SUCO: variants seen among roughly 807,000 people sequenced by gnomAD.
The protein encoded by SUCO is SUN domain containing ossification factor, also known as SUN domain-containing ossification factor.
A neutral mutation model predicts 148.1 loss-of-function variants in SUCO; 57 were observed. That is an observed-to-expected ratio of 0.38 (90% CI 0.31 to 0.48). SUCO has a LOEUF of 0.48. Ranked by LOEUF, SUCO falls within the 20% of genes least tolerant of loss-of-function variation. The pLI, the probability that SUCO is intolerant of heterozygous loss-of-function variation, is 0.96. For synonymous variants in SUCO, 470 were observed against 502.7 expected, an observed-to-expected ratio of 0.93 and a Z score of 0.87; for missense variants, 1,331 against 1,468.2, an observed-to-expected ratio of 0.91 and a Z score of 1.53.
At chr1:172,590,371 G>T (rs1274689457) in intron 18 of SUCO, 1 of 984,962 alleles carries the variant, frequency 1.0e-6, no homozygotes, top group Non-Finnish European at 1.2e-6. Flanking sequence ...GGGCACATTT[G>T]CAGTTTGCTC....
At position 172,576,690 on chromosome 1, in the gene SUCO, A is replaced by G. The variant is rs564782865; in HGVS notation, c.1264-849A>G. On this transcript the variant is annotated intron_variant, in intron 11 of 23. Coordinates refer to ENST00000263688, the MANE Select transcript of SUCO (RefSeq NM_014283.5). ...TGGAAGGATATTTTATTGGAAACATAAAGAATGCCTTATAAAACTTTCCAC... is the reference window on the plus strand; with the variant it reads ...TGGAAGGATATTTTATTGGAAACATGAAGAATGCCTTATAAAACTTTCCAC... Among the ~76,000 whole-genome samples the G allele has an allele frequency of 1.6e-4, 24 of 151,806 alleles. No homozygotes were observed. The South Asian group carries it at 4.1e-3, about 26-fold the overall frequency.
chr1:172,566,796 C>T (rs1426876304), intron 6 of SUCO, among the ~76,000 whole-genome samples: 1 of 152,172 alleles, frequency 6.6e-6, no homozygotes, highest in Non-Finnish European at 1.5e-5. Context: ...GCTAAACTGA[C>T]AAGGCACGCT....
chr1:172,601,315 C>T (rs930149069), intron 20 of SUCO, among the ~76,000 whole-genome samples: 4 of 151,938 alleles, frequency 2.6e-5, no homozygotes, highest in Non-Finnish European at 4.4e-5. Flanking sequence ...CATGATGAAA[C>T]GCCGTCTCTT....
Position 172,578,331 on chromosome 1 carries a change from A to G in SUCO, c.1374A>G (p.Glu458=), listed in dbSNP as rs1201252979. 18 of 1,612,578 alleles carry G rather than the reference A, an allele frequency of 1.1e-5. No individual in the cohort carries two copies. The highest frequency in any genetic ancestry group is 1.3e-5 in the Non-Finnish European group (15 of 1,178,904). Residue 458 remains glutamate (E), a synonymous_variant, in exon 14 of 24, where the codon GAA becomes GAG. Transcript: ENST00000263688. ...VFGTSMVEEY[E]EIADSQYHSE... Reference sequence around the variant, plus strand: ...GCACTAGCATGGTGGAAGAATATGAAGAAATTGCTGATTCCCAGTATCACT... The same window carrying G: ...GCACTAGCATGGTGGAAGAATATGAGGAAATTGCTGATTCCCAGTATCACT...
chr1:172,572,180 C>T (rs1655065239), intron 9 of SUCO, among the ~76,000 whole-genome samples: 1 of 142,698 alleles, frequency 7.0e-6, no homozygotes, highest in Non-Finnish European at 1.6e-5. Context: ...TACCCAGCCA[C>T]CACCCCGTTT....
At position 172,600,209 on chromosome 1, in the gene SUCO, T is replaced by C. The variant is rs757193334; in HGVS notation, c.3018+41T>C. The C allele has an allele frequency of 2.9e-6, 4 of 1,363,860 alleles. No individual in the cohort carries two copies. In the South Asian group the frequency reaches 3.9e-5, roughly 13 times the overall value. 84.5% of individuals were successfully genotyped at this position (1,363,860 alleles called of 1,614,324 possible). Reference sequence around the variant, plus strand: ...GGTATTGCGAGACCCAATGCATGTATAGAGGTTGTCATAAAGCCAGGCTTG... The same window carrying C: ...GGTATTGCGAGACCCAATGCATGTACAGAGGTTGTCATAAAGCCAGGCTTG... On this transcript the variant is annotated intron_variant, in intron 20 of 23. Transcript: ENST00000263688.
At chr1:172,537,705 C>T (rs1652127031) in intron 1 of SUCO, among the ~76,000 whole-genome samples, 1 of 152,148 alleles carries the variant, frequency 6.6e-6, no homozygotes, top group South Asian at 2.1e-4. Flanking sequence ...TTCCTTCACC[C>T]CAAAGGATCA....
intron 19 of SUCO, among the ~76,000 whole-genome samples, chr1:172,591,387 G>A (rs965460167): frequency 3.8e-4 from 58 of 151,484 alleles, no homozygotes; most frequent in Admixed American, 3.4e-3. Flanking sequence ...CCATTAACTC[G>A]TCATTTATAT....
chr1:172,540,905 T>C (rs1652403179), intron 1 of SUCO, among the ~76,000 whole-genome samples: 2 of 152,142 alleles, frequency 1.3e-5, no homozygotes, highest in South Asian at 4.1e-4. Context: ...ATTTCAGAGA[T>C]TGTGGTAGAT....
intron 4 of SUCO, chr1:172,556,629 TAACTC>T (rs1571204940): frequency 1.0e-6 from 1 of 984,792 alleles, no homozygotes. Flanking sequence ...AACTGGTACA[TAACTC>T]AAGAATGTAA....
chr1:172,601,707 A>C (rs984883160), intron 20 of SUCO, among the ~76,000 whole-genome samples: 1 of 152,154 alleles, frequency 6.6e-6, no homozygotes, highest in Non-Finnish European at 1.5e-5. Context: ...GATGGGAAAG[A>C]CTGGGTAAAA....
rs1294495227 is a variant in SUCO, at chr1:172,575,765, T to C, written c.1263+142T>C. 13 of 496,930 alleles carry C rather than the reference T, an allele frequency of 2.6e-5. No individual in the cohort carries two copies. The East Asian group carries it at 4.0e-4, about 15-fold the overall frequency. The allele number at this position is 496,930 out of a possible 1,614,324, so 30.8% of individuals were successfully genotyped here. On this transcript the variant is annotated intron_variant, in intron 11 of 23. Coordinates refer to ENST00000263688, the MANE Select transcript of SUCO (RefSeq NM_014283.5). ...ACTTAATAGATAATTCTTACTTGGGTATATTATTTCATGAATCAAATATTG... is the reference window on the plus strand; with the variant it reads ...ACTTAATAGATAATTCTTACTTGGGCATATTATTTCATGAATCAAATATTG...
chr1:172,544,495 A>C (rs1041333689), intron 1 of SUCO, among the ~76,000 whole-genome samples: 1 of 152,214 alleles, frequency 6.6e-6, no homozygotes, highest in African/African-American at 2.4e-5. Context: ...CCAACCCCAG[A>C]TTGTGGAAAT....
chr1:172,542,336 C>T (rs914794742), intron 1 of SUCO, among the ~76,000 whole-genome samples: 37 of 152,034 alleles, frequency 2.4e-4, no homozygotes, highest in African/African-American at 7.5e-4. Context: ...GAACCAAGAT[C>T]GTGCCATTGC....
chr1:172,577,715 C>T (rs747746363), intron 12 of SUCO, 49 bp from the exon 13 acceptor site: 1 of 1,587,074 alleles, frequency 6.3e-7, no homozygotes, highest in Admixed American at 1.8e-5. Flanking sequence ...GTTAGATAAT[C>T]TTACATGCTC....
In SUCO at chr1:172,544,307, A is replaced by G. The variant is rs577776461; in HGVS notation, c.63-7205A>G. On this transcript the variant is annotated intron_variant, in intron 1 of 23. Coordinates refer to ENST00000263688, the MANE Select transcript of SUCO (RefSeq NM_014283.5). The stretch of plus-strand genomic sequence containing the variant: ...AGCTCTGAAAAAGCTTTTCTAATTC[A>G]TAGTTCAAAGTAGGAGCTCAATAGA... 13 of 197,120 alleles carry G rather than the reference A, an allele frequency of 6.6e-5. No homozygotes were observed. The South Asian group carries it at 2.1e-3, about 32-fold the overall frequency. The allele number at this position is 197,120 out of a possible 1,614,324, so 12.2% of individuals were successfully genotyped here.
chr1:172,605,592 G>T (rs1254298541), intron 22 of SUCO, among the ~76,000 whole-genome samples: 1 of 151,822 alleles, frequency 6.6e-6, no homozygotes, highest in Non-Finnish European at 1.5e-5. Flanking sequence ...ATCTGGAAGT[G>T]TGAGTTATCT....
At position 172,561,070 on chromosome 1, in the gene SUCO, C is replaced by A. The variant is rs1406695906; in HGVS notation, c.732+3276C>A. 9.9e-5 allele frequency among the ~76,000 whole-genome samples: 15 copies of A among 152,264 alleles called. 1 individual carries two copies. The highest frequency in any genetic ancestry group is 9.8e-4 in the Admixed American group (15 of 15,292). On this transcript the variant is annotated intron_variant, in intron 6 of 23. Transcript: ENST00000263688. Reference sequence around the variant, plus strand: ...TATATTCTAATCCAGGAGAAGCCACCATGTATGGTCTCCTTGCTTTCAAGT... The same window carrying A: ...TATATTCTAATCCAGGAGAAGCCACAATGTATGGTCTCCTTGCTTTCAAGT...
chr1:172,538,605 A>G (rs928100622), intron 1 of SUCO, among the ~76,000 whole-genome samples: 1 of 152,130 alleles, frequency 6.6e-6, no homozygotes, highest in African/African-American at 2.4e-5. Flanking sequence ...TCTGAATAAT[A>G]TTTGAAATAA....
Sources: allele counts gnomAD v4.1 joint callset (sites outside exome capture counted in the v4.1 genomes callset), GRCh38; gene constraint gnomAD v4.1.1; transcripts MANE v1.5; gene names NCBI Gene and HGNC (gene_info 2026-07-23, HGNC 2026-07-21).